PZP: variants seen among roughly 807,000 people sequenced by gnomAD.
PZP encodes the protein PZP alpha-2-macroglobulin like.
Under a neutral mutation model 179.8 loss-of-function variants are expected in PZP, and 150 were observed. The observed-to-expected ratio is 0.83, with a 90% CI of 0.73 to 0.96. The LOEUF (loss-of-function observed/expected upper bound fraction) is 0.96. Ranked by LOEUF, PZP falls within the 40% of genes least tolerant of loss-of-function variation. The pLI is 0.00. For synonymous variants in PZP, 624 were observed against 652.3 expected, an observed-to-expected ratio of 0.96 and a Z score of 0.66; for missense variants, 1,689 against 1,764.0, an observed-to-expected ratio of 0.96 and a Z score of 0.76.
intron 29 of PZP, among the ~76,000 whole-genome samples, chr12:9,154,410 T>G (rs944883741): frequency 6.6e-6 from 1 of 152,260 alleles, no homozygotes; most frequent in Non-Finnish European, 1.5e-5. Flanking sequence ...GTCTCCATGT[T>G]GCTAATATAT....
At chr12:9,146,526 T>G (rs1486390219), downstream of PZP, among the ~76,000 whole-genome samples, 1 of 152,212 alleles carries the variant, frequency 6.6e-6, no homozygotes, top group Non-Finnish European at 1.5e-5. Flanking sequence ...ATGTATTTTG[T>G]TCCTCTTTAA....
chr12:9,141,485 A>G, the PZP span, among the ~76,000 whole-genome samples: 44 of 152,312 alleles, frequency 2.9e-4, no homozygotes, highest in African/African-American at 9.4e-4. Context: ...TTTAAGAGAA[A>G]CCAAACCCAC....
At chr12:9,199,749 G>T (rs1944042873) in intron 7 of PZP, among the ~76,000 whole-genome samples, 1 of 151,964 alleles carries the variant, frequency 6.6e-6, no homozygotes, top group Non-Finnish European at 1.5e-5. Flanking sequence ...TACTGTAGAG[G>T]AGGAAATGGG....
chr12:9,167,681 T>C (rs1010033636), intron 17 of PZP: 1 of 152,248 alleles, frequency 6.6e-6, no homozygotes, highest in East Asian at 1.9e-4. Context: ...ACCTGATTCA[T>C]TTATAGCTAC....
intron 21 of PZP, 108 bp from the exon 22 acceptor site, chr12:9,162,756 C>A: frequency 1.1e-6 from 1 of 902,102 alleles, no homozygotes; most frequent in Admixed American, 2.4e-5. Flanking sequence ...TGATGTTTAC[C>A]ATCCTACTCT....
intron 13 of PZP, among the ~76,000 whole-genome samples, chr12:9,185,958 C>G (rs1016002280): frequency 6.6e-6 from 1 of 151,794 alleles, no homozygotes; most frequent in Non-Finnish European, 1.5e-5. Flanking sequence ...CAGGCGTGCA[C>G]CATCACACCT....
intron 1 of PZP, 61 bp from the exon 2 acceptor site, chr12:9,204,012 A>T (rs1482195578): frequency 2.1e-6 from 3 of 1,448,998 alleles, no homozygotes; most frequent in Non-Finnish European, 2.8e-6. Flanking sequence ...TTTCATCCAT[A>T]AATGTGTTTT....
At chr12:9,202,235 C>T in intron 4 of PZP, 84 bp downstream of exon 4, 2 of 1,249,978 alleles carry the variant, frequency 1.6e-6, no homozygotes, top group African/African-American at 1.5e-5. Context: ...TTCATCCTCT[C>T]GCTTTTCTTG....
the PZP span, among the ~76,000 whole-genome samples, chr12:9,142,086 C>T: frequency 1.3e-5 from 2 of 152,144 alleles, no homozygotes; most frequent in Non-Finnish European, 2.9e-5. Context: ...TCTCTTTAAA[C>T]AACTAGTTAA....
At chr12:9,181,855 G>C (rs937007184) in intron 14 of PZP, 120 bp downstream of exon 14, 10 of 1,112,156 alleles carry the variant, frequency 9.0e-6, no homozygotes, top group Non-Finnish European at 1.3e-5. Context: ...CCATAAACTT[G>C]TTGGGAACTG....
At chr12:9,181,162 T>G (rs774325202) in intron 14 of PZP, 30 bp from the exon 15 acceptor site, 3 of 1,613,636 alleles carry the variant, frequency 1.9e-6, no homozygotes, top group Non-Finnish European at 2.5e-6. Flanking sequence ...CGTCAACCAG[T>G]GTTTTCCCTA....
At chr12:9,151,452 G>A (rs1464222136) in intron 33 of PZP, 152 bp downstream of exon 33, 2 of 541,064 alleles carry the variant, frequency 3.7e-6, no homozygotes, top group East Asian at 2.8e-5. Flanking sequence ...GAGTTCAAAG[G>A]TTTCCCCTCT....
At position 9,157,208 on chromosome 12, in the gene PZP, G is replaced by T. The variant is rs757674544; in HGVS notation, c.3517C>A (p.Leu1173Met). The change falls in exon 28 of 36, where the codon CTG becomes ATG. Residue 1173 changes from leucine (L) to methionine (M), a missense_variant. Transcript: ENST00000261336. ...LGKQNQNREI[L>M]NSLDKEAVKE... ...ACAGCTTCCTTATCAAGTGAGTTCAGTATTTCTCTATTCTGATTTTGCTTT... is the reference window on the plus strand; with the variant it reads ...ACAGCTTCCTTATCAAGTGAGTTCATTATTTCTCTATTCTGATTTTGCTTT... 5.6e-5 allele frequency: 90 copies of T among 1,613,950 alleles called. No homozygotes were observed. The highest frequency in any genetic ancestry group is 3.3e-4 in the Middle Eastern group (2 of 6,084).
At chr12:9,187,516 TA>T (rs1434357764) in intron 13 of PZP, among the ~76,000 whole-genome samples, 1 of 152,114 alleles carries the variant, frequency 6.6e-6, no homozygotes, top group Non-Finnish European at 1.5e-5. Flanking sequence ...TAGAATTCAA[TA>T]AGAAGAAAAT....
chr12:9,168,530 G>T, intron 17 of PZP: 1 of 203,444 alleles, frequency 4.9e-6, no homozygotes, highest in Non-Finnish European at 9.8e-6. Flanking sequence ...CCTTCTTTAT[G>T]TTTTTTAAAA....
chr12:9,145,574 G>C (rs1939969185), downstream of PZP, among the ~76,000 whole-genome samples: 1 of 152,154 alleles, frequency 6.6e-6, no homozygotes. Flanking sequence ...AAGTAAAAGT[G>C]ACTTACTAGC....
chr12:9,200,965 C>G lies in PZP; in HGVS notation c.597G>C (p.Gln199His). 2 of 1,614,120 alleles carry G rather than the reference C, an allele frequency of 1.2e-6. No individual in the cohort carries two copies. Among genetic ancestry groups the G allele is most frequent in the African/African-American group, 2.7e-5 (2 of 75,044 alleles). Residue 199 changes from glutamine (Q) to histidine (H), a missense_variant, in exon 6 of 36, where the codon CAG becomes CAC. Around this residue, in one of 3 missense-constraint regions of PZP, gnomAD observed 742 missense variants for 730.5 expected, o/e 1.02. Coordinates refer to ENST00000261336, the MANE Select transcript of PZP (RefSeq NM_002864.3). ...LSFPLSSEPI[Q>H]GSYRVVVQTE... Reference sequence around the variant, plus strand: ...TCTGTACCACCACCCTGTAGGAGCCCTGAATGGGCTCTGATGAGAGGGGAA... The same window carrying G: ...TCTGTACCACCACCCTGTAGGAGCCGTGAATGGGCTCTGATGAGAGGGGAA...
chr12:9,199,420 G>A (rs1944022639), intron 7 of PZP, among the ~76,000 whole-genome samples: 1 of 152,128 alleles, frequency 6.6e-6, no homozygotes, highest in Non-Finnish European at 1.5e-5. Context: ...GGAAATTTCT[G>A]GGGGAGAGAT....
intron 2 of PZP, among the ~76,000 whole-genome samples, chr12:9,203,373 G>A (rs984909807): frequency 3.7e-4 from 46 of 124,158 alleles, no homozygotes; most frequent in African/African-American, 1.4e-3. Flanking sequence ...ACGGAGTCTC[G>A]CTCTGTCGCC....
Sources: allele counts gnomAD v4.1 joint callset (sites outside exome capture counted in the v4.1 genomes callset), GRCh38; gene constraint gnomAD v4.1.1; regional missense constraint gnomAD v4.1.1; transcripts MANE v1.5; gene names NCBI Gene and HGNC (gene_info 2026-07-23, HGNC 2026-07-21).